Variants in SLC9C2 observed in about 807,000 individuals in gnomAD.
SLC9C2 encodes sodium/hydrogen exchanger 11.
Under a neutral mutation model 140.2 loss-of-function variants are expected in SLC9C2, and 75 were observed. The ratio of observed to expected loss-of-function variants is 0.53; its 90% confidence interval spans 0.44 to 0.65. The LOEUF is 0.65. Among genes scored for constraint, SLC9C2 ranks in the 30% least tolerant of loss-of-function variants. SLC9C2 has a pLI of 0.00. For missense variants in SLC9C2, 1,074 were observed against 1,331.8 expected (o/e 0.81, Z 3.01); for synonymous variants, 375 against 420.9 (o/e 0.89, Z 1.34).
intron 9 of SLC9C2, among the ~76,000 whole-genome samples, chr1:173,570,616 T>A (rs1664779962): frequency 6.6e-6 from 1 of 152,152 alleles, no homozygotes. Context: ...GCATCAGGAC[T>A]TGCCTAAGAA....
At chr1:173,543,608 T>G (rs1571517528) in intron 13 of SLC9C2, among the ~76,000 whole-genome samples, 1 of 152,244 alleles carries the variant, frequency 6.6e-6, no homozygotes, top group East Asian at 1.9e-4. Flanking sequence ...CAAACTATAC[T>G]ACAAGGCTAC....
intron 6 of SLC9C2, 65 bp from the exon 7 acceptor site, chr1:173,582,073 A>C (rs998466340): frequency 4.6e-6 from 6 of 1,297,694 alleles, no homozygotes; most frequent in Non-Finnish European, 3.1e-6. Context: ...TCTTTCACTG[A>C]TGGCATTTGG....
chr1:173,559,612 T>C (rs1663961681), intron 9 of SLC9C2, among the ~76,000 whole-genome samples: 1 of 152,226 alleles, frequency 6.6e-6, no homozygotes, highest in Admixed American at 6.5e-5. Context: ...CCCTCCAACA[T>C]GGGCTCACTT....
At chr1:173,504,562 T>TA (rs1345154642) in intron 26 of SLC9C2, among the ~76,000 whole-genome samples, 2 of 152,152 alleles carry the variant, frequency 1.3e-5, no homozygotes, top group Non-Finnish European at 2.9e-5. Context: ...TGGTGCAAGT[T>TA]AGAGTTACAA....
At chr1:173,546,339 C>G (rs61828885) in intron 13 of SLC9C2, among the ~76,000 whole-genome samples, 5,870 of 152,284 alleles carry the variant, frequency 0.039, 128 homozygotes, top group Admixed American at 0.056. Context: ...TTGAGACCAA[C>G]CTGGCCAACG....
At chr1:173,601,407 C>T (rs1300832094) in intron 2 of SLC9C2, among the ~76,000 whole-genome samples, 1 of 152,182 alleles carries the variant, frequency 6.6e-6, no homozygotes, top group Non-Finnish European at 1.5e-5. Flanking sequence ...GAGAGGGCTT[C>T]TTGAAGTTAA....
chr1:173,556,767 T>C (rs1382992744), intron 10 of SLC9C2, among the ~76,000 whole-genome samples: 4 of 93,596 alleles, frequency 4.3e-5, no homozygotes, highest in African/African-American at 1.3e-4. Flanking sequence ...AAATAACAAA[T>C]AATAATAATA....
chr1:173,545,228 G>A (rs1169730221), intron 13 of SLC9C2, among the ~76,000 whole-genome samples: 1 of 152,174 alleles, frequency 6.6e-6, no homozygotes, highest in East Asian at 1.9e-4. Context: ...AAGTGGGGCG[G>A]ACTAAACCAG....
rs190937489 is a variant in SLC9C2, at chr1:173,552,720, T to G, written c.1297+2013A>C. Among the ~76,000 whole-genome samples the G allele has an allele frequency of 4.2e-3, 647 of 152,364 alleles. 6 individuals are homozygous for G. The highest frequency in any genetic ancestry group is 0.015 in the African/African-American group (613 of 41,586). The stretch of plus-strand genomic sequence containing the variant: ...AAGATTCCTTTCAAAATATTACTAC[T>G]CATTGACAATACACTTAGTCATGCA... On this transcript the variant is annotated intron_variant, in intron 11 of 27. Coordinates refer to ENST00000367714, the MANE Select transcript of SLC9C2 (RefSeq NM_178527.4).
intron 6 of SLC9C2, 22 bp from the exon 7 acceptor site, chr1:173,582,030 TA>T: frequency 6.8e-7 from 1 of 1,473,288 alleles, no homozygotes; most frequent in South Asian, 1.4e-5. Flanking sequence ...AAAGAAAAAA[TA>T]AGAAATAAAA....
chr1:173,548,071 C>T (rs1662984756), intron 12 of SLC9C2, among the ~76,000 whole-genome samples: 1 of 152,172 alleles, frequency 6.6e-6, no homozygotes, highest in Non-Finnish European at 1.5e-5. Context: ...TTTTATAACA[C>T]TTCTACCAGG....
chr1:173,503,445 C>T (rs1659419588), intron 26 of SLC9C2, 119 bp from the exon 27 acceptor site: 1 of 913,462 alleles, frequency 1.1e-6, no homozygotes, highest in Non-Finnish European at 1.7e-6. Flanking sequence ...TTTTCCCTTC[C>T]CCCTCTCAAA....
Position 173,521,340 on chromosome 1 carries a change from C to T in SLC9C2, c.2700G>A (p.Met900Ile). The T allele has an allele frequency of 6.5e-7, 1 of 1,550,338 alleles. No homozygotes were observed. The highest frequency in any genetic ancestry group is 8.7e-7 in the Non-Finnish European group (1 of 1,155,854). Residue 900 changes from methionine (M) to isoleucine (I), a missense_variant, in exon 22 of 28, where the codon ATG becomes ATA. Physicochemically the swap from Met to Ile is conservative, Grantham distance 10. Transcript: ENST00000367714. ...AAATAATTAAGTAGATTCCTTGTGGCATTTCACCTCCTTTACAAATGGTAT... is the reference window on the plus strand; with the variant it reads ...AAATAATTAAGTAGATTCCTTGTGGTATTTCACCTCCTTTACAAATGGTAT... The part of the protein sequence containing the change: ...SGDTICKGGE[M>I]PQGIYLIISG...
intron 9 of SLC9C2, among the ~76,000 whole-genome samples, chr1:173,565,583 C>T (rs185867097): frequency 6.6e-6 from 1 of 152,256 alleles, no homozygotes; most frequent in Admixed American, 6.5e-5. Context: ...GTTTTTATGC[C>T]ATTCCCATGC....
intron 21 of SLC9C2, among the ~76,000 whole-genome samples, chr1:173,521,885 CAAAAAAA>C (rs58355008): frequency 4.3e-4 from 33 of 76,940 alleles, no homozygotes; most frequent in African/African-American, 7.9e-4. Flanking sequence ...GGGCGCTATG[CAAAAAAA>C]AAAAAAAAAA....
intron 21 of SLC9C2, among the ~76,000 whole-genome samples, chr1:173,521,739 C>CT (rs1473445419): frequency 6.6e-6 from 1 of 151,408 alleles, no homozygotes; most frequent in Middle Eastern, 3.2e-3. Flanking sequence ...TGAATGAAAA[C>CT]TTTTTTTCAG....
Position 173,587,841 on chromosome 1 carries a change from A to G in SLC9C2, c.358-11T>C. On this transcript the variant is annotated splice_polypyrimidine_tract_variant and intron_variant, in intron 4 of 27. Coordinates refer to ENST00000367714, the MANE Select transcript of SLC9C2 (RefSeq NM_178527.4). ...TCCAGTTAACAAGACCTGTGAACCA[A>G]TTCATAACACAGTATTAGACTTAAC... 4 of 1,604,858 alleles carry G rather than the reference A, an allele frequency of 2.5e-6. No homozygotes were observed. The highest frequency in any genetic ancestry group is 2.6e-6 in the Non-Finnish European group (3 of 1,174,216).
At chr1:173,582,985 T>C (rs572383589) in intron 6 of SLC9C2, among the ~76,000 whole-genome samples, 5 of 152,372 alleles carry the variant, frequency 3.3e-5, no homozygotes, top group African/African-American at 1.2e-4. Flanking sequence ...CATTTATGCA[T>C]ATTGAGAAAA....
chr1:173,574,034 A>T (rs1665003251), intron 8 of SLC9C2, among the ~76,000 whole-genome samples: 1 of 152,220 alleles, frequency 6.6e-6, no homozygotes, highest in African/African-American at 2.4e-5. Flanking sequence ...CTTGCTGAGT[A>T]GACCAGAGCA....
Sources: allele counts gnomAD v4.1 joint callset (sites outside exome capture counted in the v4.1 genomes callset), GRCh38; gene constraint gnomAD v4.1.1; transcripts MANE v1.5; gene names NCBI Gene and HGNC (gene_info 2026-07-23, HGNC 2026-07-21).